The following ZAN variants were observed in gnomAD, a reference collection of about 807,000 sequenced individuals.
The protein encoded by ZAN is zonadhesin (gene/pseudogene).
A neutral mutation model predicts 286.2 loss-of-function variants in ZAN; 260 were observed. The ratio of observed to expected loss-of-function variants is 0.91; its 90% confidence interval spans 0.82 to 1.01. The LOEUF (loss-of-function observed/expected upper bound fraction) is 1.01. Among genes scored for constraint, ZAN ranks in the 50% least tolerant of loss-of-function variants. The pLI, the probability that ZAN is intolerant of heterozygous loss-of-function variation, is 0.00. For missense variants in ZAN, 3,410 were observed against 3,639.2 expected, an observed-to-expected ratio of 0.94 and a Z score of 1.62; for synonymous variants, 1,368 against 1,417.5, an observed-to-expected ratio of 0.97 and a Z score of 0.79.
At chr7:100,779,247 T>C (rs556657470) in intron 34 of ZAN, among the ~76,000 whole-genome samples, 199 bp from the exon 35 acceptor site, 9 of 149,492 alleles carry the variant, frequency 6.0e-5, no homozygotes, top group African/African-American at 2.2e-4. Context: ...TGGGTGCCTG[T>C]AGTCTCAGCA....
chr7:100,736,382 C>G, intron 3 of ZAN, 101 bp from the exon 4 acceptor site: 18 of 1,305,640 alleles, frequency 1.4e-5, no homozygotes, highest in South Asian at 1.2e-5. Context: ...TTCATGGCAG[C>G]TTTCTCTAAG....
chr7:100,767,763 C>T, intron 25 of ZAN, 68 bp from the exon 26 acceptor site: 1 of 1,528,288 alleles, frequency 6.5e-7, no homozygotes. Flanking sequence ...CAGGCATGAG[C>T]CCCCGTCCTT....
In ZAN at chr7:100,792,412, G is replaced by A. The variant is rs775595997; in HGVS notation, c.7720G>A (p.Val2574Met). 3.6e-5 allele frequency: 58 copies of A among 1,611,438 alleles called. No homozygotes were observed. The highest frequency in any genetic ancestry group is 8.9e-5 in the East Asian group (4 of 44,834). ...GCCCCCTCTCTGCACCAGGCACTGC[G>A]TGCTGGATCTGTGCTCTGCTCAGGA... ...VAPEPFQEHC[V>M]LDLCSAQDPR... The change falls in exon 42 of 48, where the codon GTG becomes ATG. Residue 2574 changes from valine to methionine, a missense_variant. Val to Met is a conservative substitution (Grantham distance 21). Coordinates refer to ENST00000613979, the MANE Select transcript of ZAN (RefSeq NM_003386.3).
chr7:100,777,021 C>T (rs10226464), intron 34 of ZAN, among the ~76,000 whole-genome samples: 53,790 of 149,128 alleles, frequency 0.36, 10,958 homozygotes, highest in East Asian at 0.8. Flanking sequence ...CGTGAGCCAC[C>T]GCGCCCGGCC....
Position 100,748,428 on chromosome 7 carries a change from C to A in ZAN, c.1207C>A (p.Pro403Thr). ...GHWALGHKNG[P>T]VHGMGPAGGF... ...CTGGGCCCTCGGACATAAAAATGGA[C>A]CCGTCCATGGCATGGGCCCTGCGGG... Residue 403 changes from proline to threonine, a missense_variant, in exon 11 of 48, where the codon CCC becomes ACC. Pro to Thr is a conservative substitution (Grantham distance 38). Transcript: ENST00000613979. The A allele has an allele frequency of 6.2e-7, 1 of 1,613,836 alleles. No individual in the cohort carries two copies.
chr7:100,764,650 CT>C (rs1809829431), intron 22 of ZAN, among the ~76,000 whole-genome samples: 1 of 151,480 alleles, frequency 6.6e-6, no homozygotes, highest in South Asian at 2.1e-4. Flanking sequence ...GATTGCACCA[CT>C]GCACTCCAGC....
chr7:100,789,070 C>T lies in ZAN; in HGVS notation c.7228-148C>T, dbSNP rs748615368. On this transcript the variant is annotated intron_variant, in intron 38 of 47. Transcript: ENST00000613979. ...GCGGACCTCACAGAGGTTTCTGCCA[C>T]GTGAATAGCAAAGCCCATTGGGGTA... The T allele has an allele frequency of 1.2e-5, 14 of 1,209,918 alleles. No homozygotes were observed. In the African/African-American group the frequency reaches 1.4e-4, roughly 12 times the overall value. The allele number at this position is 1,209,918 out of a possible 1,614,324, so 74.9% of individuals were successfully genotyped here.
At chr7:100,753,705 C>T (rs889427974) in intron 14 of ZAN, among the ~76,000 whole-genome samples, 11 of 151,160 alleles carry the variant, frequency 7.3e-5, no homozygotes, top group East Asian at 3.9e-4. Context: ...TGGTGGCGCA[C>T]GCCTGTAGTC....
Position 100,767,167 on chromosome 7 carries a change from CG to C in ZAN, c.4776del (p.Ile1593SerfsTer12), listed in dbSNP as rs769958392. On this transcript the variant is annotated frameshift_variant, in exon 25 of 48. Coordinates refer to ENST00000613979, the MANE Select transcript of ZAN (RefSeq NM_003386.3). LOFTEE classifies it high-confidence loss of function. ...TTGTGAGCGCCACCAACGAGAACCG[CG>C]GGGGGATCCTGGAGGTCTCCTACAT... ...FVVSATNENR[G>X]GILEVSYIKA... 3 of 1,613,826 alleles carry C rather than the reference CG, an allele frequency of 1.9e-6. No homozygotes were observed. Among genetic ancestry groups the C allele is most frequent in the Non-Finnish European group, 2.5e-6 (3 of 1,179,874 alleles).
chr7:100,795,117 C>G (rs1812267161), intron 44 of ZAN, 79 bp from the exon 45 acceptor site: 4 of 1,505,310 alleles, frequency 2.7e-6, no homozygotes, highest in Non-Finnish European at 3.6e-6. Flanking sequence ...CCCGGGCGTC[C>G]CAGCCCCCAG....
At chr7:100,771,030 C>G (rs1212536810) in intron 28 of ZAN, among the ~76,000 whole-genome samples, 1 of 152,104 alleles carries the variant, frequency 6.6e-6, no homozygotes. Flanking sequence ...TCTTGAACTC[C>G]TGACCTCAAA....
chr7:100,778,330 G>A (rs1029385249), intron 34 of ZAN, among the ~76,000 whole-genome samples: 5 of 151,756 alleles, frequency 3.3e-5, no homozygotes, highest in African/African-American at 4.8e-5. Flanking sequence ...ACAGCCGGGT[G>A]CAGTGGCTCA....
At chr7:100,737,944 G>T (rs1322018553) in intron 6 of ZAN, among the ~76,000 whole-genome samples, 3 of 137,442 alleles carry the variant, frequency 2.2e-5, no homozygotes, top group South Asian at 2.2e-4. Context: ...CTCTACAAAA[G>T]AATTTATTTA....
chr7:100,778,180 G>C (rs1268043765), intron 34 of ZAN, among the ~76,000 whole-genome samples: 4 of 152,086 alleles, frequency 2.6e-5, no homozygotes, highest in East Asian at 3.9e-4. Flanking sequence ...GGTGGCACAT[G>C]CCTGTAGTCC....
At chr7:100,761,606 C>T (rs568528312) in intron 19 of ZAN, among the ~76,000 whole-genome samples, 86 of 151,972 alleles carry the variant, frequency 5.7e-4, no homozygotes, top group Admixed American at 1.5e-3. Flanking sequence ...TGTGCTCCAG[C>T]CTGAGCCACA....
Position 100,766,880 on chromosome 7 carries a change from A to G in ZAN, c.4613-130A>G, listed in dbSNP as rs541565119. 64 of 1,509,048 alleles carry G rather than the reference A, an allele frequency of 4.2e-5. No individual in the cohort carries two copies. The South Asian group carries it at 6.6e-4, about 16-fold the overall frequency. The allele number at this position is 1,509,048 out of a possible 1,614,324, so 93.5% of individuals were successfully genotyped here. A position where few individuals can be genotyped will look rare whatever the true frequency, so the allele number is the denominator to read the frequency against. On this transcript the variant is annotated intron_variant, in intron 24 of 47. Coordinates refer to ENST00000613979, the MANE Select transcript of ZAN (RefSeq NM_003386.3). ...CCAAGCCAAGCCAACCACACTTCCT[A>G]GGGAAACACCACATCTGTGGGTGGG...
intron 22 of ZAN, among the ~76,000 whole-genome samples, chr7:100,764,889 A>AG (rs1018447286): frequency 2.6e-5 from 4 of 152,054 alleles, no homozygotes; most frequent in Admixed American, 6.6e-5. Context: ...TAAAAAAAAA[A>AG]AAGTGTTTCT....
intron 8 of ZAN, 97 bp from the exon 9 acceptor site, chr7:100,747,453 C>T: frequency 2.1e-6 from 2 of 932,418 alleles, no homozygotes; most frequent in Non-Finnish European, 3.5e-6. Context: ...TAATCGTCCC[C>T]AGCTATGCCC....
In ZAN at chr7:100,789,288, G is replaced by A. The variant is rs766005977; in HGVS notation, c.7298G>A (p.Arg2433Gln). 199 of 1,613,760 alleles carry A rather than the reference G, an allele frequency of 1.2e-4. No individual in the cohort carries two copies. The highest frequency in any genetic ancestry group is 2.5e-4 in the Admixed American group (15 of 59,966). ...EHLRVTLWGQ[R>Q]LYLVTDFELV... ...CTGCGGGTCACCCTGTGGGGCCAACGGCTCTACCTGGTCACCGACTTTGAG... is the reference window on the plus strand; with the variant it reads ...CTGCGGGTCACCCTGTGGGGCCAACAGCTCTACCTGGTCACCGACTTTGAG... The change falls in exon 39 of 48, where the codon CGG (arginine) becomes CAG (glutamine). Residue 2433 changes from arginine (R) to glutamine (Q), a missense_variant. Arg to Gln is a conservative substitution (Grantham distance 43, BLOSUM62 1). This residue lies in a region of ZAN where 1,289 missense variants were observed against 1,314.3 expected (regional missense o/e 0.98). Coordinates refer to ENST00000613979, the MANE Select transcript of ZAN (RefSeq NM_003386.3).
Sources: allele counts gnomAD v4.1 joint callset (sites outside exome capture counted in the v4.1 genomes callset), GRCh38; gene constraint gnomAD v4.1.1; regional missense constraint gnomAD v4.1.1; transcripts MANE v1.5; gene names NCBI Gene and HGNC (gene_info 2026-07-23, HGNC 2026-07-21).